The following N4BP2 variants were observed in gnomAD, a reference collection of about 807,000 sequenced individuals.
N4BP2 encodes NEDD4 binding protein 2.
A neutral mutation model predicts 152.8 loss-of-function variants in N4BP2; 91 were observed. That is an observed-to-expected ratio of 0.60 (90% confidence interval 0.50 to 0.71). The LOEUF (loss-of-function observed/expected upper bound fraction) is 0.71, where lower values mean the gene tolerates loss of function less well. Among genes scored for constraint, N4BP2 ranks in the 30% least tolerant of loss-of-function variants. The pLI is 0.00. For synonymous variants in N4BP2, 646 were observed against 705.3 expected (o/e 0.92, Z 1.33); for missense variants, 1,923 against 2,059.1 (o/e 0.93, Z 1.28).
In N4BP2 at chr4:40,120,798, A is replaced by G. The variant is rs1160713231; in HGVS notation, c.2687A>G (p.His896Arg). The change falls in exon 9 of 18, where the codon CAC becomes CGC. Residue 896 changes from histidine (H) to arginine (R), a missense_variant. His to Arg is a conservative substitution (Grantham distance 29, BLOSUM62 0). Transcript: ENST00000261435. ...TCTGATTCTTTAGCTCAGAGGGAAC[A>G]CAGATCAAGAATGCCAAAGACTGGT... ...PSSDSLAQRE[H>R]RSRMPKTGLS... 6.2e-7 allele frequency: 1 copy of G among 1,614,200 alleles called. No individual in the cohort carries two copies. The highest frequency in any genetic ancestry group is 1.1e-5 in the South Asian group (1 of 91,078).
At chr4:40,082,228 A>G (rs1185010480) in intron 2 of N4BP2, among the ~76,000 whole-genome samples, 1 of 143,802 alleles carries the variant, frequency 7.0e-6, no homozygotes. Context: ...GTGAGCCGAG[A>G]TGGCGCCACT....
the N4BP2 span, among the ~76,000 whole-genome samples, chr4:40,181,581 C>T: frequency 2.4e-4 from 36 of 152,298 alleles, no homozygotes; most frequent in African/African-American, 6.0e-4. Context: ...CTTGTTCCTC[C>T]GAGCTCAACT....
the N4BP2 span, chr4:40,167,924 A>G: frequency 6.6e-6 from 1 of 152,340 alleles, no homozygotes; most frequent in South Asian, 2.1e-4. Flanking sequence ...AGGAAGAAGT[A>G]AAAACATTCT....
rs564107275 is a variant in N4BP2, at chr4:40,101,943, CATG to C, written c.230-130_230-128del. 3.8e-5 allele frequency: 19 copies of C among 503,646 alleles called. No homozygotes were observed. The South Asian group carries it at 1.1e-3, about 30-fold the overall frequency. The allele number at this position is 503,646 out of a possible 1,614,324, so 31.2% of individuals were successfully genotyped here. ...TAAAATATTAATTTTTTAAAAATAACATGAATATTGTACATTTATATTCTGTTC... is the reference window on the plus strand; with the variant it reads ...TAAAATATTAATTTTTTAAAAATAACAATATTGTACATTTATATTCTGTTC... On this transcript the variant is annotated intron_variant, in intron 3 of 17. Transcript: ENST00000261435.
At chr4:40,158,332 T>C (rs1435027843), downstream of N4BP2, 1 of 152,168 alleles carries the variant, frequency 6.6e-6, no homozygotes, top group Non-Finnish European at 1.5e-5. Flanking sequence ...TGTCTAACTT[T>C]GTAATTTCAG....
At chr4:40,128,394 T>C (rs916509282) in intron 12 of N4BP2, among the ~76,000 whole-genome samples, 7 of 152,210 alleles carry the variant, frequency 4.6e-5, no homozygotes, top group Non-Finnish European at 8.8e-5. Context: ...AAATTAGAAA[T>C]ATACTGCCAT....
At chr4:40,154,043 T>G in intron 17 of N4BP2, 149 bp from the exon 18 acceptor site, 1 of 577,488 alleles carries the variant, frequency 1.7e-6, no homozygotes, top group Non-Finnish European at 3.0e-6. Flanking sequence ...CAAACCTAGA[T>G]GTTGGTCTTG....
chr4:40,189,921 T>TACAC, the N4BP2 span, among the ~76,000 whole-genome samples: 31,028 of 149,230 alleles, frequency 0.21, 3,240 homozygotes, highest in Middle Eastern at 0.28. The surrounding 1 kb of genome is among the most constrained non-coding windows in gnomAD (Gnocchi z 4.3). Flanking sequence ...CACAGACACA[T>TACAC]ACACACACAC....
chr4:40,139,828 C>CTTTTTTTTTTTT (rs1209677713), intron 14 of N4BP2, among the ~76,000 whole-genome samples: 3 of 97,842 alleles, frequency 3.1e-5, no homozygotes, highest in Non-Finnish European at 6.4e-5. Context: ...ATTTTTTTTT[C>CTTTTTTTTTTTT]TTTTTTTTTT....
At chr4:40,139,755 T>A (rs1719734445) in intron 14 of N4BP2, among the ~76,000 whole-genome samples, 1 of 151,528 alleles carries the variant, frequency 6.6e-6, no homozygotes, top group Admixed American at 6.6e-5. Flanking sequence ...CTTCCCAAAG[T>A]GCTGGGATTA....
chr4:40,152,719 C>T lies in N4BP2; in HGVS notation c.5144-61C>T, dbSNP rs1721251963. Reference sequence around the variant, plus strand: ...CATGTGCTTGAGTAGCTAAGGTTTACGTTTTCTATTGAGAATGTAAGATAA... The same window carrying T: ...CATGTGCTTGAGTAGCTAAGGTTTATGTTTTCTATTGAGAATGTAAGATAA... On this transcript the variant is annotated intron_variant, in intron 16 of 17. Transcript: ENST00000261435. 2.0e-5 allele frequency: 31 copies of T among 1,584,480 alleles called. 1 individual carries two copies. Among genetic ancestry groups the T allele is most frequent in the South Asian group, 1.8e-4 (16 of 88,748 alleles).
At chr4:40,104,446 C>T (rs558827251) in intron 4 of N4BP2, among the ~76,000 whole-genome samples, 1 of 151,326 alleles carries the variant, frequency 6.6e-6, no homozygotes, top group African/African-American at 2.4e-5. Context: ...GTCTGGGTTT[C>T]TCTGCTAGTA....
rs772224954 is a variant in N4BP2 at position 40,102,679 on chromosome 4, A to G, written c.834A>G (p.Gln278=). Residue 278 remains glutamine (Q), a synonymous_variant, in exon 4 of 18, where the codon CAA becomes CAG. Transcript: ENST00000261435. ...ELLESECVEA[Q]FSEAPVDLDA... ...TAGAATCTGAGTGCGTTGAGGCTCA[A>G]TTCTCTGAAGCTCCTGTAGATTTGG... The G allele has an allele frequency of 5.6e-6, 9 of 1,614,052 alleles. No homozygotes were observed. The highest frequency in any genetic ancestry group is 3.3e-5 in the Admixed American group (2 of 59,986).
chr4:40,137,080 A>G lies in N4BP2; in HGVS notation c.4783A>G (p.Lys1595Glu), dbSNP rs762656935. Residue 1595 changes from lysine to glutamate, a missense_variant and splice_region_variant, in exon 14 of 18, where the codon AAG (lysine) becomes GAG (glutamate). By Grantham distance (56) the Lys-to-Glu change is moderately conservative (BLOSUM62 1). Transcript: ENST00000261435. The stretch of plus-strand genomic sequence containing the variant: ...TACTGGCCAGAAGTCTAAAGAGAAA[A>G]AGGTATGGAGTTACTAATTTTTTTT... ...SHTGQKSKEK[K>E]PKKLKETEET... is the part of the protein sequence containing the mutation. 14 of 1,610,988 alleles carry G rather than the reference A, an allele frequency of 8.7e-6. No individual in the cohort carries two copies. In the East Asian group the frequency reaches 1.6e-4, roughly 18 times the overall value.
chr4:40,166,363 C>CTA, the N4BP2 span, among the ~76,000 whole-genome samples: 1 of 151,934 alleles, frequency 6.6e-6, no homozygotes, highest in African/African-American at 2.4e-5. Flanking sequence ...TGTTTTAAAA[C>CTA]TATATATATT....
intron 2 of N4BP2, among the ~76,000 whole-genome samples, chr4:40,084,969 G>A (rs1169891877): frequency 2.1e-5 from 3 of 144,398 alleles, no homozygotes; most frequent in Non-Finnish European, 4.5e-5. Flanking sequence ...CTAGAATGCA[G>A]TGGTGCGATT....
chr4:40,086,463 G>C (rs540456155), intron 2 of N4BP2, among the ~76,000 whole-genome samples: 1 of 151,586 alleles, frequency 6.6e-6, no homozygotes, highest in Admixed American at 6.6e-5. Context: ...TCAGCCTCCC[G>C]AGTACCTGGG....
chr4:40,142,871 A>G lies in N4BP2; in HGVS notation c.4974+10A>G, dbSNP rs1478745551. The G allele has an allele frequency of 3.1e-6, 5 of 1,610,810 alleles. No individual in the cohort carries two copies. Among genetic ancestry groups the G allele is most frequent in the Non-Finnish European group, 4.2e-6 (5 of 1,178,170 alleles). ...CTTTTATGCCCAGCAGGTAAAGTGG[A>G]AAACTGATTATATATTTTTTGTCAG... On this transcript the variant is annotated intron_variant, in intron 15 of 17. Transcript: ENST00000261435.
rs149506250 is a variant in N4BP2, at chr4:40,142,778, C to T, written c.4891C>T (p.Gln1631Ter). The change falls in exon 15 of 18, where the codon CAG becomes TAG. Residue 1631 changes from glutamine to a stop codon, truncating the protein, a stop_gained. Coordinates refer to ENST00000261435, the MANE Select transcript of N4BP2 (RefSeq NM_018177.6). LOFTEE classifies it high-confidence loss of function. ...DYRAEAFLHQ[Q>*]KRMECYSKAK... ...CAGAGCAGAGGCTTTCCTTCACCAACAGAAGAGGATGGAGTGCTACAGCAA... is the reference window on the plus strand; with the variant it reads ...CAGAGCAGAGGCTTTCCTTCACCAATAGAAGAGGATGGAGTGCTACAGCAA... 1 of 1,614,028 alleles carries T rather than the reference C, an allele frequency of 6.2e-7. No individual in the cohort carries two copies. The highest frequency in any genetic ancestry group is 8.5e-7 in the Non-Finnish European group (1 of 1,180,004).
Sources: gnomAD v4.1 joint callset for allele counts (sites outside exome capture counted in the v4.1 genomes callset) on GRCh38, gnomAD v4.1.1 for gene constraint, Gnocchi (gnomAD v3.1) non-coding constraint, MANE v1.5 for transcripts, NCBI Gene and HGNC (gene_info 2026-07-23, HGNC 2026-07-21) for gene names.